The following RBM42 variants were observed in gnomAD, a reference collection of about 807,000 sequenced individuals.
RBM42 encodes RNA binding motif protein 42.
RBM42 carries 21 observed loss-of-function variants against 41.4 expected under a neutral mutation model. That is an observed-to-expected ratio of 0.51 (90% CI 0.36 to 0.73). The LOEUF (loss-of-function observed/expected upper bound fraction) is 0.73. RBM42 is among the 30% of genes least tolerant of loss of function. The pLI is 0.00. For synonymous variants in RBM42, 272 were observed against 271.2 expected (o/e 1.00, Z -0.03); for missense variants, 539 against 680.4 (o/e 0.79, Z 2.31).
In RBM42 at chr19:35,634,279, C is replaced by T. The variant is rs757357963; in HGVS notation, c.1041C>T (p.Asp347=). 18 of 1,614,096 alleles carry T rather than the reference C, an allele frequency of 1.1e-5. No individual in the cohort carries two copies. Among genetic ancestry groups the T allele is most frequent in the Non-Finnish European group, 1.3e-5 (15 of 1,180,042 alleles). Residue 347 remains aspartate, a synonymous_variant, in exon 8 of 10, where the codon GAC becomes GAT. Transcript: ENST00000262633. The part of the protein sequence containing the change: ...ALEVPEPLGE[D]KKKGKPEKLK... ...AGGTCCCAGAGCCCCTGGGTGAAGA[C>T]AAGAAGAAGGGGAAGCCAGAGAAAT...
rs149975031 is a variant in RBM42 at position 35,637,076 on chromosome 19, C to T, written c.1136-82C>T. On this transcript the variant is annotated intron_variant, in intron 8 of 9. Transcript: ENST00000262633. The surrounding 1 kb of genome is among the most constrained non-coding windows in gnomAD (Gnocchi z 7.0). ...TCCCTAGGCAGAGACTAGATACCTC[C>T]GAAAAGGTGGGATCGTTCAGACAAG... 1.6e-4 allele frequency: 209 copies of T among 1,336,296 alleles called. No individual in the cohort carries two copies. Among genetic ancestry groups the T allele is most frequent in the African/African-American group, 1.1e-3 (74 of 68,638 alleles). 82.8% of individuals were successfully genotyped at this position (1,336,296 alleles called of 1,614,324 possible).
At position 35,633,966 on chromosome 19, in the gene RBM42, C is replaced by T; in HGVS notation, c.964C>T (p.Pro322Ser). ...CATTCCTGAACTCCTGTCCCTGCGT[C>T]CTCGGCCCCGGCCCCCTCGGCCAGA... ...LRIPELLSLRPRPRPPRPEPP... is the reference protein window; with the variant it reads ...LRIPELLSLRSRPRPPRPEPP... Residue 322 changes from proline (P) to serine (S), a missense_variant, in exon 7 of 10, where the codon CCT becomes TCT. Around this residue, in one of 2 missense-constraint regions of RBM42, gnomAD observed 429 missense variants for 488.9 expected, o/e 0.88. Transcript: ENST00000262633. The T allele has an allele frequency of 6.4e-7, 1 of 1,556,406 alleles. No homozygotes were observed. Among genetic ancestry groups the T allele is most frequent in the Non-Finnish European group, 8.6e-7 (1 of 1,156,698 alleles).
rs1967434516 is a variant in RBM42 at position 35,633,127 on chromosome 19, C to T, written c.559C>T (p.Pro187Ser). 2.5e-6 allele frequency: 4 copies of T among 1,596,990 alleles called. No individual in the cohort carries two copies. In the Admixed American group the frequency reaches 6.7e-5, roughly 27 times the overall value. ...CGGCCCCCGCCCTATGGCCCTACGGCCCCCTCACCAGGCCCTCGTGGGCCC... is the reference window on the plus strand; with the variant it reads ...CGGCCCCCGCCCTATGGCCCTACGGTCCCCTCACCAGGCCCTCGTGGGCCC... The part of the protein sequence containing the change: ...AAGPRPMALR[P>S]PHQALVGPPL... The change falls in exon 6 of 10, where the codon CCC becomes TCC. Residue 187 changes from proline (P) to serine (S), a missense_variant. Physicochemically the swap from Pro to Ser is moderately conservative, Grantham distance 74. Coordinates refer to ENST00000262633, the MANE Select transcript of RBM42 (RefSeq NM_024321.5).
chr19:35,629,364 G>T, intron 1 of RBM42, 83 bp downstream of exon 1: 2 of 1,497,902 alleles, frequency 1.3e-6, no homozygotes, highest in East Asian at 4.7e-5. Context: ...TCGATAGGCC[G>T]GAGATACGGC....
At position 35,633,863 on chromosome 19, in the gene RBM42, C is replaced by A; in HGVS notation, c.861C>A (p.Ala287=). ...PAVIGPSLPL[A]LAMPLPEPEP... ...TCATTGGGCCCAGCCTGCCGCTGGC[C>A]CTGGCCATGCCATTGCCCGAGCCTG... The change falls in exon 7 of 10, where the codon GCC becomes GCA. Residue 287 remains alanine (A), a synonymous_variant. Transcript: ENST00000262633. The A allele has an allele frequency of 6.3e-7, 1 of 1,586,556 alleles. No homozygotes were observed. The highest frequency in any genetic ancestry group is 8.5e-7 in the Non-Finnish European group (1 of 1,170,138).
At position 35,629,293 on chromosome 19, in the gene RBM42, G is replaced by A. The variant is rs751707754; in HGVS notation, c.128+12G>A. 4.6e-6 allele frequency: 7 copies of A among 1,514,492 alleles called. No individual in the cohort carries two copies. The highest frequency in any genetic ancestry group is 6.2e-6 in the Non-Finnish European group (7 of 1,134,102). 93.8% of individuals were successfully genotyped at this position (1,514,492 alleles called of 1,614,324 possible). On this transcript the variant is annotated intron_variant, in intron 1 of 9. Coordinates refer to ENST00000262633, the MANE Select transcript of RBM42 (RefSeq NM_024321.5). Reference sequence around the variant, plus strand: ...GCGGAGATGGCCCTGTAAGGCCCGCGACAGAGAGTGATAAAAGTCGTCCCA... The same window carrying A: ...GCGGAGATGGCCCTGTAAGGCCCGCAACAGAGAGTGATAAAAGTCGTCCCA...
chr19:35,633,620 G>T, intron 6 of RBM42, 67 bp from the exon 7 acceptor site: 2 of 1,359,860 alleles, frequency 1.5e-6, no homozygotes, highest in South Asian at 1.9e-5. Flanking sequence ...TTGTTGGATG[G>T]AATGGAGATG....
chr19:35,632,872 C>A, intron 4 of RBM42, 64 bp from the exon 5 acceptor site: 1 of 777,944 alleles, frequency 1.3e-6, no homozygotes, highest in Non-Finnish European at 2.4e-6. Flanking sequence ...CGCATGCACA[C>A]ACACACCTTG....
Position 35,637,638 on chromosome 19 carries a change from C to T in RBM42, c.*84C>T. Reference sequence around the variant, plus strand: ...CTTTGGAAAACCCCCAGCTGTCCACCCATCCCCTGCCCCAAAACCAGTTTC... The same window carrying T: ...CTTTGGAAAACCCCCAGCTGTCCACTCATCCCCTGCCCCAAAACCAGTTTC... On this transcript the variant is annotated 3_prime_UTR_variant, in exon 10 of 10. Coordinates refer to ENST00000262633, the MANE Select transcript of RBM42 (RefSeq NM_024321.5). The surrounding 1 kb of genome is among the most constrained non-coding windows in gnomAD (Gnocchi z 7.0). 9.9e-7 allele frequency: 1 copy of T among 1,007,750 alleles called. No homozygotes were observed. The allele number at this position is 1,007,750 out of a possible 1,614,324, so 62.4% of individuals were successfully genotyped here.
intron 5 of RBM42, 24 bp downstream of exon 5, chr19:35,633,025 C>G: frequency 6.2e-7 from 1 of 1,603,742 alleles, no homozygotes; most frequent in Non-Finnish European, 8.5e-7. Flanking sequence ...GTCATCATCC[C>G]TGCCACATAA....
chr19:35,634,039 G>T lies in RBM42; in HGVS notation c.1017+20G>T. On this transcript the variant is annotated intron_variant, in intron 7 of 9. Transcript: ENST00000262633. ...CTTGAGGTAAGCAGGGAGCCTAGCGGTGAAGGGACAGAAGGGACGGGGGGC... is the reference window on the plus strand; with the variant it reads ...CTTGAGGTAAGCAGGGAGCCTAGCGTTGAAGGGACAGAAGGGACGGGGGGC... The T allele has an allele frequency of 6.8e-7, 1 of 1,479,336 alleles. No homozygotes were observed. The allele number at this position is 1,479,336 out of a possible 1,614,324, so 91.6% of individuals were successfully genotyped here.
chr19:35,633,320 T>C, intron 6 of RBM42, 68 bp downstream of exon 6: 1 of 1,272,896 alleles, frequency 7.9e-7, no homozygotes, highest in African/African-American at 1.5e-5. Context: ...CCTGGCCCAA[T>C]GGGCTATGTC....
chr19:35,637,114 C>A lies in RBM42; in HGVS notation c.1136-44C>A. On this transcript the variant is annotated intron_variant, in intron 8 of 9. Coordinates refer to ENST00000262633, the MANE Select transcript of RBM42 (RefSeq NM_024321.5). The surrounding 1 kb of genome is among the most constrained non-coding windows in gnomAD (Gnocchi z 7.0). ...TCGTTCAGACAAGGTAGACACTGGG[C>A]AAGGCCTCTGCATCCTCTGATGTCA... 6.5e-7 allele frequency: 1 copy of A among 1,546,014 alleles called. No homozygotes were observed.
intron 4 of RBM42, chr19:35,631,686 A>C (rs1967409690): frequency 2.0e-6 from 1 of 501,816 alleles, no homozygotes; most frequent in African/African-American, 1.9e-5. Context: ...TACTATGGCT[A>C]TCATCTTTTG....
intron 2 of RBM42, among the ~76,000 whole-genome samples, 174 bp from the exon 3 acceptor site, chr19:35,630,966 G>T (rs185238775): frequency 6.6e-6 from 1 of 152,200 alleles, no homozygotes; most frequent in Non-Finnish European, 1.5e-5. Flanking sequence ...GCTGCTCAGA[G>T]AGCCCTAGTG....
chr19:35,633,324 CTA>C, intron 6 of RBM42, 72 bp downstream of exon 6: 1 of 1,239,274 alleles, frequency 8.1e-7, no homozygotes, highest in Non-Finnish European at 1.1e-6. Context: ...GCCCAATGGG[CTA>C]TGTCTGAGTT....
chr19:35,629,427 A>T, intron 1 of RBM42, 93 bp from the exon 2 acceptor site: 1 of 1,556,646 alleles, frequency 6.4e-7, no homozygotes, highest in Non-Finnish European at 8.7e-7. Flanking sequence ...GATAGGGGAG[A>T]GGTTGGCAGG....
Position 35,637,394 on chromosome 19 carries a change from C to T in RBM42, c.1330+42C>T. The T allele has an allele frequency of 6.2e-7, 1 of 1,613,302 alleles. No individual in the cohort carries two copies. Among genetic ancestry groups the T allele is most frequent in the African/African-American group, 1.3e-5 (1 of 75,062 alleles). ...CTGGGAACTGCAGGCGCGGCAGGCG[C>T]TGGCCTAAGCCTGACCCGAGCCTGC... is the stretch of plus-strand genomic sequence containing the variant. On this transcript the variant is annotated intron_variant, in intron 9 of 9. Coordinates refer to ENST00000262633, the MANE Select transcript of RBM42 (RefSeq NM_024321.5). The surrounding 1 kb of genome is among the most constrained non-coding windows in gnomAD (Gnocchi z 7.0).
intron 6 of RBM42, 29 bp downstream of exon 6, chr19:35,633,281 G>T: frequency 1.3e-6 from 2 of 1,512,212 alleles, no homozygotes; most frequent in Non-Finnish European, 8.9e-7. Context: ...CTAACGGTCA[G>T]ATGTGCGGTG....
Sources: gnomAD v4.1 joint callset for allele counts (sites outside exome capture counted in the v4.1 genomes callset) on GRCh38, gnomAD v4.1.1 for gene constraint, gnomAD v4.1.1 regional missense constraint, Gnocchi (gnomAD v3.1) non-coding constraint, MANE v1.5 for transcripts, NCBI Gene and HGNC (gene_info 2026-07-23, HGNC 2026-07-21) for gene names.